The following PTPRD variants were observed in gnomAD, a reference collection of about 807,000 sequenced individuals.
PTPRD encodes the protein protein tyrosine phosphatase receptor type D.
In PTPRD, 34 loss-of-function variants were observed where a neutral mutation model predicts 214.5. That is an observed-to-expected ratio of 0.16 (90% CI 0.12 to 0.21). PTPRD has a LOEUF of 0.21. Ranked by LOEUF, PTPRD falls within the 10% of genes least tolerant of loss-of-function variation. PTPRD has a pLI of 1.00. For synonymous variants in PTPRD, 1,128 were observed against 845.7 expected, an observed-to-expected ratio of 1.33 and a Z score of -5.79; for missense variants, 2,545 against 2,398.7, an observed-to-expected ratio of 1.06 and a Z score of -1.27.
intron 11 of PTPRD, among the ~76,000 whole-genome samples, chr9:8,929,780 G>GTATATATATAT (rs1272978143): frequency 1.2e-4 from 10 of 82,396 alleles, no homozygotes; most frequent in East Asian, 4.2e-4. Context: ...TATATATATG[G>GTATATATATAT]GTGTGTATAT....
chr9:10,526,462 A>G (rs527499676), intron 2 of PTPRD, among the ~76,000 whole-genome samples: 75 of 152,216 alleles, frequency 4.9e-4, no homozygotes, highest in Non-Finnish European at 9.7e-4. Context: ...GATAGATTTG[A>G]GAATAAATAA....
intron 4 of PTPRD, among the ~76,000 whole-genome samples, chr9:9,951,202 T>A (rs2093424184): frequency 6.6e-6 from 1 of 152,096 alleles, no homozygotes; most frequent in East Asian, 1.9e-4. Context: ...TTAACTGAAT[T>A]AGAAGCTTTG....
intron 8 of PTPRD, among the ~76,000 whole-genome samples, chr9:9,502,075 C>G (rs1445722734): frequency 6.6e-6 from 1 of 151,858 alleles, no homozygotes; most frequent in Non-Finnish European, 1.5e-5. Flanking sequence ...TAAACATATT[C>G]ATCACCTCCT....
At chr9:9,813,732 T>G (rs1418242612) in intron 5 of PTPRD, among the ~76,000 whole-genome samples, 3 of 152,012 alleles carry the variant, frequency 2.0e-5, no homozygotes, top group Non-Finnish European at 4.4e-5. Context: ...TTCTAAAAAT[T>G]TGAAAAGGGA....
At chr9:9,456,011 A>T (rs1251753952) in intron 8 of PTPRD, among the ~76,000 whole-genome samples, 1 of 151,868 alleles carries the variant, frequency 6.6e-6, no homozygotes, top group Non-Finnish European at 1.5e-5. Context: ...TTTATTGATA[A>T]ATGTTGCCAA....
chr9:9,654,283 A>C (rs1302407794), intron 7 of PTPRD, among the ~76,000 whole-genome samples: 1 of 152,162 alleles, frequency 6.6e-6, no homozygotes, highest in African/African-American at 2.4e-5. Context: ...GTGATGTATA[A>C]TTTTAAGAGG....
chr9:9,276,685 C>G (rs142036095), intron 9 of PTPRD, among the ~76,000 whole-genome samples: 1 of 151,296 alleles, frequency 6.6e-6, no homozygotes, highest in Non-Finnish European at 1.5e-5. Flanking sequence ...CCACTTGGCT[C>G]TCATGGAGCA....
chr9:8,443,199 A>C (rs2095606735), intron 34 of PTPRD, among the ~76,000 whole-genome samples: 2 of 152,264 alleles, frequency 1.3e-5, no homozygotes, highest in Admixed American at 1.3e-4. Flanking sequence ...GTTTCTCAAA[A>C]TACAGAATTT....
At chr9:8,484,494 G>A (rs770539044) in intron 29 of PTPRD, 116 bp from the exon 30 acceptor site, 2 of 1,090,184 alleles carry the variant, frequency 1.8e-6, no homozygotes, top group African/African-American at 3.2e-5. Context: ...TCTAATTTTA[G>A]GTGATTTCTA....
At chr9:8,615,840 A>G (rs2095595683) in intron 14 of PTPRD, among the ~76,000 whole-genome samples, 1 of 152,082 alleles carries the variant, frequency 6.6e-6, no homozygotes, top group South Asian at 2.1e-4. Flanking sequence ...TTCTAAAGAG[A>G]TTTGTCCATA....
rs2097253784 is a variant in PTPRD, at chr9:8,670,147, G to A, written c.65-33303C>T. On this transcript the variant is annotated intron_variant, in intron 12 of 45. Coordinates refer to ENST00000381196, the MANE Select transcript of PTPRD (RefSeq NM_002839.4). ...CTTCTCTAACCCCTTGACTTGGGCA[G>A]GAGGAAAAGGCATCAGAAAAAGATC... 2.6e-5 allele frequency among the ~76,000 whole-genome samples: 4 copies of A among 151,948 alleles called. 1 individual carries two copies. The highest frequency in any genetic ancestry group is 2.6e-4 in the Admixed American group (4 of 15,264).
At chr9:9,406,840 CTTCT>C (rs2073614376) in intron 8 of PTPRD, among the ~76,000 whole-genome samples, 1 of 72,386 alleles carries the variant, frequency 1.4e-5, no homozygotes, top group Non-Finnish European at 2.7e-5. Flanking sequence ...TGAACTCTTT[CTTCT>C]TTCTTTTTTT....
At chr9:9,391,630 T>C (rs1016147635) in intron 9 of PTPRD, among the ~76,000 whole-genome samples, 9 of 152,172 alleles carry the variant, frequency 5.9e-5, no homozygotes, top group African/African-American at 2.2e-4. Flanking sequence ...ACCAAATTAT[T>C]TTGTTGGTGC....
At chr9:9,915,184 C>T (rs2080357497) in intron 5 of PTPRD, among the ~76,000 whole-genome samples, 1 of 152,084 alleles carries the variant, frequency 6.6e-6, no homozygotes, top group Non-Finnish European at 1.5e-5. Flanking sequence ...AGAATGAAGG[C>T]CCACACACCC....
chr9:8,742,784 A>C (rs1477590914), intron 11 of PTPRD, among the ~76,000 whole-genome samples: 1 of 152,178 alleles, frequency 6.6e-6, no homozygotes. Flanking sequence ...AGCTCAAAGA[A>C]AACTAATTTA....
At chr9:10,080,917 A>G (rs1472531374) in intron 3 of PTPRD, among the ~76,000 whole-genome samples, 1 of 152,116 alleles carries the variant, frequency 6.6e-6, no homozygotes, top group Non-Finnish European at 1.5e-5. Flanking sequence ...TGATAATTAA[A>G]ATAAATTATG....
intron 3 of PTPRD, among the ~76,000 whole-genome samples, chr9:10,218,299 T>C (rs1035962505): frequency 6.6e-6 from 1 of 151,978 alleles, no homozygotes; most frequent in African/African-American, 2.4e-5. Context: ...TTTCTCTGTA[T>C]CTATCTCACC....
At chr9:8,455,461 A>C (rs994448345) in intron 33 of PTPRD, among the ~76,000 whole-genome samples, 1 of 152,166 alleles carries the variant, frequency 6.6e-6, no homozygotes, top group African/African-American at 2.4e-5. Flanking sequence ...TTAATCTAAA[A>C]ATCTTCACTT....
At chr9:8,627,627 A>G (rs1406600715) in intron 14 of PTPRD, among the ~76,000 whole-genome samples, 1 of 151,872 alleles carries the variant, frequency 6.6e-6, no homozygotes, top group African/African-American at 2.4e-5. Context: ...AGTGTGGCAA[A>G]ACAAGTAATA....
Sources: gnomAD v4.1 joint callset for allele counts (sites outside exome capture counted in the v4.1 genomes callset) on GRCh38, gnomAD v4.1.1 for gene constraint, MANE v1.5 for transcripts, NCBI Gene and HGNC (gene_info 2026-07-23, HGNC 2026-07-21) for gene names.